EIF4G3: variants seen among roughly 807,000 people sequenced by gnomAD.
EIF4G3 encodes the protein eIF-4-gamma 3.
A neutral mutation model predicts 186.4 loss-of-function variants in EIF4G3; 34 were observed. The observed-to-expected ratio is 0.18, with a 90% confidence interval of 0.14 to 0.24. The LOEUF (loss-of-function observed/expected upper bound fraction) is 0.24, where lower values mean the gene tolerates loss of function less well. EIF4G3 is among the 10% of genes least tolerant of loss of function. The pLI, the probability that EIF4G3 is intolerant of heterozygous loss-of-function variation, is 1.00. For synonymous variants in EIF4G3, 673 were observed against 679.5 expected (o/e 0.99, Z 0.15); for missense variants, 1,536 against 1,948.5 (o/e 0.79, Z 3.99).
At chr1:21,156,127 C>CAAA (rs59546159) in intron 2 of EIF4G3, among the ~76,000 whole-genome samples, 1 of 125,326 alleles carries the variant, frequency 8.0e-6, no homozygotes, top group East Asian at 2.3e-4. Flanking sequence ...AACTCTGTCT[C>CAAA]AAAAAAAAAA....
At position 20,965,236 on chromosome 1, in the gene EIF4G3, T is replaced by G. The variant is rs1376332070; in HGVS notation, c.714+4238A>C. Among the ~76,000 whole-genome samples the G allele has an allele frequency of 4.6e-5, 7 of 152,292 alleles. No homozygotes were observed. In the East Asian group the frequency reaches 1.3e-3, roughly 29 times the overall value. The stretch of plus-strand genomic sequence containing the variant: ...TAAAAATCACAATGGCTTGACCACC[T>G]GCCAAAAGCAAACTCATTATATCCC... On this transcript the variant is annotated intron_variant, in intron 12 of 36. Transcript: ENST00000602326.
At chr1:20,842,135 A>G (rs971551809) in intron 29 of EIF4G3, among the ~76,000 whole-genome samples, 1 of 152,232 alleles carries the variant, frequency 6.6e-6, no homozygotes, top group African/African-American at 2.4e-5. Context: ...CTGAATGTCC[A>G]AGAGATTTAC....
intron 2 of EIF4G3, among the ~76,000 whole-genome samples, chr1:21,160,314 G>T (rs2097743383): frequency 6.6e-6 from 1 of 152,126 alleles, no homozygotes; most frequent in Non-Finnish European, 1.5e-5. Flanking sequence ...TTTCCTCATA[G>T]AATTATAATC....
At chr1:20,846,465 T>C (rs2071063525) in intron 29 of EIF4G3, among the ~76,000 whole-genome samples, 1 of 152,226 alleles carries the variant, frequency 6.6e-6, no homozygotes, top group African/African-American at 2.4e-5. Flanking sequence ...CTTTTTGTCT[T>C]TGAGCTTTTA....
At chr1:21,041,779 G>A (rs2093597626) in intron 4 of EIF4G3, among the ~76,000 whole-genome samples, 2 of 152,140 alleles carry the variant, frequency 1.3e-5, no homozygotes, top group Non-Finnish European at 2.9e-5. Flanking sequence ...ACACAAGGGA[G>A]ACAGAATTTA....
At chr1:21,160,942 G>A (rs532921843) in intron 2 of EIF4G3, among the ~76,000 whole-genome samples, 2 of 152,122 alleles carry the variant, frequency 1.3e-5, no homozygotes, top group Non-Finnish European at 2.9e-5. Context: ...AGGCAAAGGT[G>A]GGTGGATCAC....
At chr1:20,955,238 G>GTTT (rs11449027) in intron 12 of EIF4G3, among the ~76,000 whole-genome samples, 2 of 148,466 alleles carry the variant, frequency 1.3e-5, no homozygotes, top group African/African-American at 2.5e-5. Context: ...TTATTTTTTA[G>GTTT]TTTTTTTTTT....
intron 2 of EIF4G3, among the ~76,000 whole-genome samples, chr1:21,117,186 G>A (rs908218431): frequency 2.0e-5 from 3 of 151,916 alleles, no homozygotes; most frequent in African/African-American, 7.3e-5. Context: ...GAGGCTAAAG[G>A]CATTTTTGAA....
intron 2 of EIF4G3, among the ~76,000 whole-genome samples, chr1:21,154,321 T>C (rs1482080583): frequency 6.6e-6 from 1 of 152,148 alleles, no homozygotes; most frequent in Non-Finnish European, 1.5e-5. Flanking sequence ...TTTTTTTTAA[T>C]CACAAAATGC....
intron 4 of EIF4G3, among the ~76,000 whole-genome samples, chr1:21,042,042 A>G (rs1002393176): frequency 6.7e-5 from 10 of 150,154 alleles, no homozygotes; most frequent in Non-Finnish European, 1.2e-4. Flanking sequence ...GCTGGAGTGC[A>G]GTGGCACAAG....
At chr1:20,855,331 T>C (rs2074560769) in intron 25 of EIF4G3, among the ~76,000 whole-genome samples, 1 of 152,204 alleles carries the variant, frequency 6.6e-6, no homozygotes, top group Non-Finnish European at 1.5e-5. Context: ...CTGTTTAAGA[T>C]GGTTTATGAA....
At chr1:20,883,521 G>A (rs1219308004) in intron 19 of EIF4G3, among the ~76,000 whole-genome samples, 4 of 152,114 alleles carry the variant, frequency 2.6e-5, no homozygotes, top group African/African-American at 7.2e-5. Context: ...GGAGGTTGAG[G>A]CAGAAGAATC....
chr1:21,019,058 T>G (rs988151774), intron 4 of EIF4G3, among the ~76,000 whole-genome samples: 2 of 152,158 alleles, frequency 1.3e-5, no homozygotes, highest in Admixed American at 1.3e-4. Flanking sequence ...TCTCACTCTG[T>G]TGCCCAGGGT....
intron 2 of EIF4G3, among the ~76,000 whole-genome samples, chr1:21,107,600 A>C (rs1421693033): frequency 2.0e-5 from 3 of 152,234 alleles, no homozygotes; most frequent in African/African-American, 4.8e-5. Flanking sequence ...AGGTCTGTCC[A>C]ATGTATAAAG....
chr1:20,807,902 A>G (rs2058393118), intron 36 of EIF4G3, among the ~76,000 whole-genome samples: 1 of 151,128 alleles, frequency 6.6e-6, no homozygotes, highest in Non-Finnish European at 1.5e-5. Context: ...ACCTGGGATT[A>G]TAGGCGCCTG....
intron 33 of EIF4G3, among the ~76,000 whole-genome samples, chr1:20,817,943 G>C (rs944803159): frequency 1.3e-5 from 2 of 151,774 alleles, no homozygotes; most frequent in Non-Finnish European, 2.9e-5. Context: ...CCCAAAGACG[G>C]GATTACAGGC....
At chr1:20,949,615 T>C (rs1409058094) in intron 13 of EIF4G3, among the ~76,000 whole-genome samples, 1 of 152,150 alleles carries the variant, frequency 6.6e-6, no homozygotes, top group Non-Finnish European at 1.5e-5. Flanking sequence ...ATGTTTTATC[T>C]TTTTTTCTTT....
intron 2 of EIF4G3, among the ~76,000 whole-genome samples, chr1:21,104,115 G>C (rs149977777): frequency 9.0e-4 from 137 of 152,252 alleles, no homozygotes; most frequent in African/African-American, 3.2e-3. Flanking sequence ...TCTGAACAAT[G>C]CCGGCTACAT....
At chr1:21,042,546 T>C (rs1213008612) in intron 4 of EIF4G3, among the ~76,000 whole-genome samples, 1 of 152,152 alleles carries the variant, frequency 6.6e-6, no homozygotes, top group Non-Finnish European at 1.5e-5. Flanking sequence ...TTAAGTAAAT[T>C]TTTTCATTTG....
Sources: gnomAD v4.1 joint callset for allele counts (sites outside exome capture counted in the v4.1 genomes callset) on GRCh38, gnomAD v4.1.1 for gene constraint, MANE v1.5 for transcripts, NCBI Gene and HGNC (gene_info 2026-07-23, HGNC 2026-07-21) for gene names.